Variants in SDCCAG8 observed in about 807,000 individuals in gnomAD.
The protein encoded by SDCCAG8 is SHH signaling and ciliogenesis regulator SDCCAG8, also known as serologically defined colon cancer antigen 8.
In SDCCAG8, 74 loss-of-function variants were observed where a neutral mutation model predicts 101.8. The ratio of observed to expected loss-of-function variants is 0.73; its 90% CI spans 0.60 to 0.88. The LOEUF (loss-of-function observed/expected upper bound fraction) is 0.88, where lower values mean the gene tolerates loss of function less well. Ranked by LOEUF, SDCCAG8 falls within the 40% of genes least tolerant of loss-of-function variation. The probability of loss-of-function intolerance (pLI) is 0.00; values close to 1 mark genes in which losing one functional copy is unlikely to be tolerated. For synonymous variants in SDCCAG8, 281 were observed against 292.9 expected (o/e 0.96, Z 0.41); for missense variants, 787 against 822.6 (o/e 0.96, Z 0.53).
At chr1:243,413,194 A>G (rs1385191679) in intron 13 of SDCCAG8, among the ~76,000 whole-genome samples, 1 of 152,076 alleles carries the variant, frequency 6.6e-6, no homozygotes, top group Non-Finnish European at 1.5e-5. Flanking sequence ...TCTATAGTCA[A>G]TTTATTTTTT....
intron 6 of SDCCAG8, among the ~76,000 whole-genome samples, chr1:243,304,498 A>C (rs2071881164): frequency 6.6e-6 from 1 of 152,190 alleles, no homozygotes; most frequent in African/African-American, 2.4e-5. Context: ...TTGAAAGACA[A>C]AGAAAATCAA....
At position 243,286,382 on chromosome 1, in the gene SDCCAG8, A is replaced by C; in HGVS notation, c.531A>C (p.Thr177=). Reference sequence around the variant, plus strand: ...AAGAGGAGACACTGAGGGAACAAACACTTCTGGATGCATCCGTGAGCATTA... The same window carrying C: ...AAGAGGAGACACTGAGGGAACAAACCCTTCTGGATGCATCCGTGAGCATTA... ...QRQEETLREQ[T]LLDASGNMHN... Residue 177 remains threonine, a synonymous_variant, in exon 5 of 18, where the codon ACA becomes ACC. Coordinates refer to ENST00000366541, the MANE Select transcript of SDCCAG8 (RefSeq NM_006642.5). 6.2e-7 allele frequency: 1 copy of C among 1,614,004 alleles called. No individual in the cohort carries two copies. Among genetic ancestry groups the C allele is most frequent in the Non-Finnish European group, 8.5e-7 (1 of 1,179,920 alleles).
At chr1:243,329,184 G>A (rs2074414495) in intron 9 of SDCCAG8, among the ~76,000 whole-genome samples, 1 of 151,822 alleles carries the variant, frequency 6.6e-6, no homozygotes, top group African/African-American at 2.4e-5. Context: ...TCCTTTTCCA[G>A]GCATTCTCGG....
At chr1:243,406,083 A>G (rs2079762803) in intron 13 of SDCCAG8, among the ~76,000 whole-genome samples, 1 of 152,220 alleles carries the variant, frequency 6.6e-6, no homozygotes, top group African/African-American at 2.4e-5. Context: ...GTTACTGGGA[A>G]TTTGTAGATC....
intron 9 of SDCCAG8, among the ~76,000 whole-genome samples, chr1:243,321,595 G>A (rs995231352): frequency 6.6e-6 from 1 of 152,148 alleles, no homozygotes; most frequent in African/African-American, 2.4e-5. Flanking sequence ...ATTCCCTGGT[G>A]TATATGTACC....
chr1:243,363,973 T>A (rs1183302981), intron 12 of SDCCAG8, among the ~76,000 whole-genome samples: 1 of 152,210 alleles, frequency 6.6e-6, no homozygotes, highest in East Asian at 1.9e-4. Context: ...ATTTTTGAGT[T>A]AAAACCAAGT....
intron 17 of SDCCAG8, among the ~76,000 whole-genome samples, chr1:243,499,539 A>G (rs1199759003): frequency 6.6e-6 from 1 of 152,068 alleles, no homozygotes; most frequent in African/African-American, 2.4e-5. Context: ...CTTCAAATTT[A>G]ACCCATTAAA....
chr1:243,463,537 G>C (rs1310105340), intron 16 of SDCCAG8, among the ~76,000 whole-genome samples: 2 of 152,156 alleles, frequency 1.3e-5, no homozygotes, highest in African/African-American at 4.8e-5. Flanking sequence ...TGTCTGTCCA[G>C]CCCCAAGACC....
intron 13 of SDCCAG8, among the ~76,000 whole-genome samples, chr1:243,399,447 C>T (rs1244306044): frequency 6.6e-6 from 1 of 152,112 alleles, no homozygotes; most frequent in South Asian, 2.1e-4. Flanking sequence ...CACAAAGGTT[C>T]TTTAGCTTGC....
chr1:243,468,303 C>G (rs892712425), intron 16 of SDCCAG8, among the ~76,000 whole-genome samples: 1 of 151,838 alleles, frequency 6.6e-6, no homozygotes, highest in Admixed American at 6.6e-5. Context: ...CTGCAACCTC[C>G]GCCTCCCGGG....
At chr1:243,327,719 T>C (rs2074291050) in intron 9 of SDCCAG8, among the ~76,000 whole-genome samples, 1 of 152,064 alleles carries the variant, frequency 6.6e-6, no homozygotes, top group Non-Finnish European at 1.5e-5. Context: ...GTATAAATAA[T>C]TGTTTACTAG....
At chr1:243,330,455 A>T in intron 9 of SDCCAG8, 85 bp from the exon 10 acceptor site, 1 of 1,405,634 alleles carries the variant, frequency 7.1e-7, no homozygotes, top group South Asian at 1.2e-5. Flanking sequence ...TGCTATTTTA[A>T]ATATACTTAA....
rs369827106 is a variant in SDCCAG8, at chr1:243,290,436, A to G, written c.547-2655A>G. ...TCTACATGCTCCCTCCAATTTCTCC[A>G]TAGAAAATTAGTACCACCCTCCTTC... On this transcript the variant is annotated intron_variant, in intron 5 of 17. Coordinates refer to ENST00000366541, the MANE Select transcript of SDCCAG8 (RefSeq NM_006642.5). Among the ~76,000 whole-genome samples, 40 of 152,246 alleles carry G rather than the reference A, an allele frequency of 2.6e-4. No homozygotes were observed. In the South Asian group the frequency reaches 6.8e-3, roughly 26 times the overall value.
In SDCCAG8 at chr1:243,308,003, A is replaced by T; in HGVS notation, c.755A>T (p.Glu252Val). 1 of 1,614,020 alleles carries T rather than the reference A, an allele frequency of 6.2e-7. No individual in the cohort carries two copies. The highest frequency in any genetic ancestry group is 8.5e-7 in the Non-Finnish European group (1 of 1,180,008). The change falls in exon 8 of 18, where the codon GAA (glutamate) becomes GTA (valine). Residue 252 changes from glutamate to valine, a missense_variant. Glu to Val is a moderately radical substitution (Grantham distance 121). Coordinates refer to ENST00000366541, the MANE Select transcript of SDCCAG8 (RefSeq NM_006642.5). ...CCTCTTTTTAGGAACGACTTAGCTG[A>T]ATATCAGAGAACTTGTGAAGATCTT... ...QLKFLRNDLA[E>V]YQRTCEDLKE...
chr1:243,426,377 C>T (rs1460116019), intron 15 of SDCCAG8, 50 bp from the exon 16 acceptor site: 1 of 1,498,268 alleles, frequency 6.7e-7, no homozygotes, highest in Non-Finnish European at 9.2e-7. Flanking sequence ...ACAATATGCC[C>T]TAGTAATAAG....
chr1:243,338,100 A>AG (rs1223066518), intron 10 of SDCCAG8, among the ~76,000 whole-genome samples: 4 of 151,882 alleles, frequency 2.6e-5, no homozygotes, highest in African/African-American at 9.7e-5. Flanking sequence ...AAAAAAAAAA[A>AG]TTGTAGAATT....
chr1:243,432,553 A>T (rs1290640651), intron 16 of SDCCAG8, among the ~76,000 whole-genome samples: 2 of 152,234 alleles, frequency 1.3e-5, no homozygotes, highest in African/African-American at 2.4e-5. Flanking sequence ...TGGGAAAATT[A>T]AAAAAAGAGA....
chr1:243,298,715 A>G (rs2071210283), intron 6 of SDCCAG8, among the ~76,000 whole-genome samples: 1 of 152,158 alleles, frequency 6.6e-6, no homozygotes, highest in Non-Finnish European at 1.5e-5. Flanking sequence ...TTATACATCC[A>G]AGCACCATTT....
At chr1:243,479,676 G>A (rs1173866217) in intron 16 of SDCCAG8, among the ~76,000 whole-genome samples, 2 of 152,154 alleles carry the variant, frequency 1.3e-5, no homozygotes, top group Non-Finnish European at 2.9e-5. Context: ...AGGAAACTGA[G>A]ATTCAAAGTG....
Sources: allele counts gnomAD v4.1 joint callset (sites outside exome capture counted in the v4.1 genomes callset), GRCh38; gene constraint gnomAD v4.1.1; transcripts MANE v1.5; gene names NCBI Gene and HGNC (gene_info 2026-07-23, HGNC 2026-07-21).